The following FAM227B variants were observed in gnomAD, a reference collection of about 807,000 sequenced individuals.
FAM227B encodes protein FAM227B.
In FAM227B, 88 loss-of-function variants were observed where a neutral mutation model predicts 73.8. The ratio of observed to expected loss-of-function variants is 1.19; its 90% CI spans 1.00 to 1.42. The LOEUF (loss-of-function observed/expected upper bound fraction) is 1.42, where lower values mean the gene tolerates loss of function less well. Among genes scored for constraint, FAM227B ranks in the 40% most tolerant of loss-of-function variants. The pLI is 0.00. For missense variants in FAM227B, 632 were observed against 590.9 expected (o/e 1.07, Z -0.72); for synonymous variants, 210 against 190.5 (o/e 1.10, Z -0.84).
chr15:49,550,279 C>T (rs1326260985), intron 9 of FAM227B, among the ~76,000 whole-genome samples: 34 of 138,984 alleles, frequency 2.4e-4, no homozygotes, highest in South Asian at 4.8e-4. Context: ...CCAGTAGGGG[C>T]GGCCGGGCAG....
intron 11 of FAM227B, among the ~76,000 whole-genome samples, chr15:49,403,683 A>C (rs967898519): frequency 4.0e-5 from 6 of 151,086 alleles, no homozygotes; most frequent in African/African-American, 1.5e-4. Context: ...CAGTCTATCT[A>C]GTTTATTAAT....
At chr15:49,380,854 G>C (rs541584948) in intron 11 of FAM227B, among the ~76,000 whole-genome samples, 1 of 152,124 alleles carries the variant, frequency 6.6e-6, no homozygotes, top group Non-Finnish European at 1.5e-5. Context: ...AGCCCCTTGT[G>C]TTAGTCCATT....
intron 5 of FAM227B, among the ~76,000 whole-genome samples, chr15:49,585,164 T>C (rs1174448391): frequency 6.6e-6 from 1 of 152,018 alleles, no homozygotes. Flanking sequence ...CCAGTTAGAA[T>C]GGCAATCATT....
chr15:49,455,983 GCTTT>G (rs1181969634), intron 11 of FAM227B, among the ~76,000 whole-genome samples: 1 of 152,024 alleles, frequency 6.6e-6, no homozygotes, highest in Non-Finnish European at 1.5e-5. Context: ...CTCTAGAAGA[GCTTT>G]CTATTGACAT....
At chr15:49,499,115 G>C (rs796337769) in intron 11 of FAM227B, among the ~76,000 whole-genome samples, 1 of 128,994 alleles carries the variant, frequency 7.8e-6, no homozygotes, top group Non-Finnish European at 1.6e-5. Context: ...GCAGTGAGCC[G>C]AGATCCCGCC....
chr15:49,358,652 G>C (rs1337769413), intron 13 of FAM227B, among the ~76,000 whole-genome samples: 9 of 150,020 alleles, frequency 6.0e-5, no homozygotes, highest in African/African-American at 2.0e-4. Context: ...CGTGAAAATG[G>C]CCATACAGCC....
chr15:49,526,094 A>G (rs779853094), intron 10 of FAM227B, among the ~76,000 whole-genome samples: 122 of 152,258 alleles, frequency 8.0e-4, no homozygotes, highest in Non-Finnish European at 1.5e-3. Context: ...CAATTGCAAA[A>G]GAAACATTTT....
Position 49,615,122 on chromosome 15 carries a change from C to A in FAM227B, c.50G>T (p.Gly17Val), listed in dbSNP as rs201222764. The A allele has an allele frequency of 3.5e-5, 56 of 1,613,890 alleles. No individual in the cohort carries two copies. The African/African-American group carries it at 7.2e-4, about 21-fold the overall frequency. The change falls in exon 2 of 16, where the codon GGG (glycine) becomes GTG (valine). Residue 17 changes from glycine to valine, a missense_variant and splice_region_variant. By Grantham distance (109) the Gly-to-Val change is moderately radical. Transcript: ENST00000299338. ...CQRRSSRAGPGKMQEPPKSIE... is the reference protein window; with the variant it reads ...CQRRSSRAGPVKMQEPPKSIE... ...ATAAAGCTGTGGAAGCTTCCTTACC[C>A]CGGGGCCAGCTCTGCTGCTCCTCCT...
At chr15:49,559,834 C>G (rs8029743) in intron 9 of FAM227B, among the ~76,000 whole-genome samples, 49,836 of 151,774 alleles carry the variant, frequency 0.33, 8,969 homozygotes, top group African/African-American at 0.46. Context: ...ACTCAGGAGG[C>G]TGAGGCAGGA....
chr15:49,614,266 T>C (rs2078142403), intron 2 of FAM227B, among the ~76,000 whole-genome samples: 1 of 152,062 alleles, frequency 6.6e-6, no homozygotes, highest in Admixed American at 6.5e-5. Context: ...TGGTAGGATG[T>C]AGAAGGATAT....
chr15:49,568,388 A>C (rs1489545696), intron 8 of FAM227B, 42 bp from the exon 9 acceptor site: 1 of 1,486,626 alleles, frequency 6.7e-7, no homozygotes, highest in Non-Finnish European at 9.3e-7. Flanking sequence ...TTACAATTTA[A>C]AACTGGAATT....
At chr15:49,472,607 C>T (rs2054878244) in intron 11 of FAM227B, among the ~76,000 whole-genome samples, 2 of 152,078 alleles carry the variant, frequency 1.3e-5, no homozygotes, top group Non-Finnish European at 2.9e-5. Flanking sequence ...AAAGTCTTTG[C>T]TCAGAAAGTT....
intron 3 of FAM227B, among the ~76,000 whole-genome samples, chr15:49,596,189 A>G (rs1417866908): frequency 6.6e-6 from 1 of 152,028 alleles, no homozygotes; most frequent in Non-Finnish European, 1.5e-5. Context: ...GAAACAAAGT[A>G]AAGAATTTTA....
intron 9 of FAM227B, 131 bp downstream of exon 9, chr15:49,568,114 T>C (rs2074802215): frequency 2.8e-6 from 2 of 711,812 alleles, no homozygotes; most frequent in East Asian, 2.8e-5. Context: ...AAAATATTAC[T>C]AATACTCTAC....
At chr15:49,521,562 C>T (rs888098671) in intron 10 of FAM227B, among the ~76,000 whole-genome samples, 7 of 151,422 alleles carry the variant, frequency 4.6e-5, no homozygotes, top group Non-Finnish European at 8.8e-5. Flanking sequence ...TTCAGTTACA[C>T]CTCCCTGAAA....
chr15:49,454,591 T>C (rs1055068668), intron 11 of FAM227B, among the ~76,000 whole-genome samples: 1 of 152,118 alleles, frequency 6.6e-6, no homozygotes, highest in Non-Finnish European at 1.5e-5. Flanking sequence ...CCCATAATTA[T>C]ACTCTTTATT....
chr15:49,362,634 C>A (rs1321627212), intron 13 of FAM227B, among the ~76,000 whole-genome samples: 1 of 152,160 alleles, frequency 6.6e-6, no homozygotes, highest in Non-Finnish European at 1.5e-5. Context: ...AATTAGGTTT[C>A]ATCTGTCAAT....
intron 10 of FAM227B, among the ~76,000 whole-genome samples, chr15:49,536,200 G>C (rs1420660355): frequency 1.3e-5 from 2 of 151,546 alleles, no homozygotes; most frequent in African/African-American, 4.8e-5. Flanking sequence ...TCACAAAAAA[G>C]TTAGAACTGA....
chr15:49,427,307 G>T lies in FAM227B; in HGVS notation c.1013-55908C>A, dbSNP rs371907428. Among the ~76,000 whole-genome samples the T allele has an allele frequency of 1.2e-4, 18 of 152,114 alleles. 1 individual carries two copies. The South Asian group carries it at 3.5e-3, about 30-fold the overall frequency. ...TACATTCCTCAATCATTAATTGAAT[G>T]AATGGACAAATAAATGAATGAAAGA... On this transcript the variant is annotated intron_variant, in intron 11 of 15. Transcript: ENST00000299338.
Sources: gnomAD v4.1 joint callset for allele counts (sites outside exome capture counted in the v4.1 genomes callset) on GRCh38, gnomAD v4.1.1 for gene constraint, MANE v1.5 for transcripts, NCBI Gene and HGNC (gene_info 2026-07-23, HGNC 2026-07-21) for gene names.